KCTD8: variants seen among roughly 807,000 people sequenced by gnomAD.
KCTD8 encodes BTB/POZ domain-containing protein KCTD8.
In KCTD8, 27 loss-of-function variants were observed where a neutral mutation model predicts 31.5. The ratio of observed to expected loss-of-function variants is 0.86; its 90% CI spans 0.63 to 1.18. The LOEUF (loss-of-function observed/expected upper bound fraction) is 1.18, where lower values mean the gene tolerates loss of function less well. KCTD8 is among the 50% of genes most tolerant of loss of function. The probability of loss-of-function intolerance (pLI) is 0.00; values close to 1 mark genes in which losing one functional copy is unlikely to be tolerated. For synonymous variants in KCTD8, 290 were observed against 280.0 expected (o/e 1.04, Z -0.36); for missense variants, 658 against 647.7 (o/e 1.02, Z -0.17).
intron 1 of KCTD8, among the ~76,000 whole-genome samples, chr4:44,202,130 T>TA (rs201575128): frequency 2.9e-4 from 43 of 150,554 alleles, no homozygotes; most frequent in South Asian, 1.7e-3. Flanking sequence ...ATTGAAAAGT[T>TA]AAAAAAAAAC....
chr4:44,388,201 A>C (rs1429786112), intron 1 of KCTD8, among the ~76,000 whole-genome samples: 4 of 151,962 alleles, frequency 2.6e-5, no homozygotes, highest in African/African-American at 9.7e-5. Flanking sequence ...AAAAGTCAAA[A>C]AATAATAGAT....
chr4:44,319,016 C>T (rs183128916), intron 1 of KCTD8, among the ~76,000 whole-genome samples: 27 of 152,188 alleles, frequency 1.8e-4, no homozygotes, highest in African/African-American at 5.5e-4. Flanking sequence ...AGGATGCGGA[C>T]GCAATCTAGA....
At chr4:44,357,200 A>C (rs1371920023) in intron 1 of KCTD8, among the ~76,000 whole-genome samples, 5 of 152,164 alleles carry the variant, frequency 3.3e-5, no homozygotes, top group Non-Finnish European at 7.4e-5. Flanking sequence ...AAAGATGAGA[A>C]AATTAAGAAA....
chr4:44,268,059 C>G (rs952467254), intron 1 of KCTD8, among the ~76,000 whole-genome samples: 2 of 152,166 alleles, frequency 1.3e-5, no homozygotes, highest in African/African-American at 4.8e-5. Context: ...CAGCATCATC[C>G]TGATTCCAAA....
Position 44,447,980 on chromosome 4 carries a change from C to T in KCTD8, c.544G>A (p.Ala182Thr). ...GSSDALLLRG[A>T]AAAVPSGPGA... ...GGGCCCGAGGGCACGGCGGCCGCCG[C>T]CCCGCGCAGCAGCAGCGCGTCGCTG... Residue 182 changes from alanine to threonine, a missense_variant, in exon 1 of 2, where the codon GCG becomes ACG. Ala to Thr is a moderately conservative substitution (Grantham distance 58). Transcript: ENST00000360029. The T allele has an allele frequency of 6.5e-7, 1 of 1,541,440 alleles. No individual in the cohort carries two copies. The highest frequency in any genetic ancestry group is 8.7e-7 in the Non-Finnish European group (1 of 1,143,078).
At chr4:44,310,192 T>A (rs1305800033) in intron 1 of KCTD8, among the ~76,000 whole-genome samples, 1 of 152,134 alleles carries the variant, frequency 6.6e-6, no homozygotes, top group African/African-American at 2.4e-5. Context: ...AATAGATTGA[T>A]ATGTATTCCA....
In KCTD8 at chr4:44,409,226, C is replaced by CA. The variant is rs58417142; in HGVS notation, c.961+38336dup. Among the ~76,000 whole-genome samples, 469 of 146,636 alleles carry CA rather than the reference C, an allele frequency of 3.2e-3. 4 individuals carry two copies. The highest frequency in any genetic ancestry group is 0.011 in the African/African-American group (446 of 39,546). On this transcript the variant is annotated intron_variant, in intron 1 of 1. Transcript: ENST00000360029. ...AATAGAGTGAGATCCTGTCAAAAGT[C>CA]AAAAAAAAAAGAGGAAAGAAAGGGA...
intron 1 of KCTD8, among the ~76,000 whole-genome samples, chr4:44,285,901 T>C (rs879479920): frequency 2.0e-5 from 3 of 152,148 alleles, no homozygotes; most frequent in Non-Finnish European, 4.4e-5. Context: ...ATTAGGAATA[T>C]TTGTTATTCA....
At chr4:44,211,950 C>G (rs1714495260) in intron 1 of KCTD8, among the ~76,000 whole-genome samples, 1 of 151,630 alleles carries the variant, frequency 6.6e-6, no homozygotes, top group Non-Finnish European at 1.5e-5. Flanking sequence ...TATAATTTTA[C>G]AGTTTTCCTC....
At position 44,310,525 on chromosome 4, in the gene KCTD8, CA is replaced by C. The variant is rs1052553965; in HGVS notation, c.962-135276del. ...ACTGGCATTGCTGGTTAATCACTTT[CA>C]GGGGGAAAACAAAAAGAAACTACTT... is the stretch of plus-strand genomic sequence containing the variant. On this transcript the variant is annotated intron_variant, in intron 1 of 1. Transcript: ENST00000360029. Among the ~76,000 whole-genome samples, 19 of 152,152 alleles carry C rather than the reference CA, an allele frequency of 1.2e-4. 1 individual carries two copies. Among genetic ancestry groups the C allele is most frequent in the Middle Eastern group, 3.4e-3 (1 of 294 alleles).
At chr4:44,352,221 C>T (rs1182577839) in intron 1 of KCTD8, among the ~76,000 whole-genome samples, 1 of 151,948 alleles carries the variant, frequency 6.6e-6, no homozygotes, top group Non-Finnish European at 1.5e-5. Flanking sequence ...ATGCATATTC[C>T]TCAGTGGTCT....
chr4:44,318,091 T>C (rs988720195), intron 1 of KCTD8, among the ~76,000 whole-genome samples: 1 of 152,220 alleles, frequency 6.6e-6, no homozygotes, highest in East Asian at 1.9e-4. Flanking sequence ...TCTGGTATCA[T>C]TTGCTCCAAT....
At chr4:44,223,135 A>G (rs1714855989) in intron 1 of KCTD8, among the ~76,000 whole-genome samples, 1 of 152,186 alleles carries the variant, frequency 6.6e-6, no homozygotes, top group South Asian at 2.1e-4. Context: ...TAAAAATATA[A>G]TTTGAAGGTA....
intron 1 of KCTD8, among the ~76,000 whole-genome samples, chr4:44,367,876 C>CAAA (rs11424950): frequency 4.5e-4 from 65 of 145,572 alleles, no homozygotes; most frequent in South Asian, 1.3e-3. Context: ...ATGATAGGAC[C>CAAA]AAAAAAAAAA....
At position 44,191,998 on chromosome 4, in the gene KCTD8, G is replaced by A. The variant is rs139690478; in HGVS notation, c.962-16748C>T. ...GTTTTGTGGCTCAGGTGGGCATCAC[G>A]GATCTACCGATATGTGATGTCACCC... On this transcript the variant is annotated intron_variant, in intron 1 of 1. Coordinates refer to ENST00000360029, the MANE Select transcript of KCTD8 (RefSeq NM_198353.3). 2.8e-3 allele frequency among the ~76,000 whole-genome samples: 427 copies of A among 152,114 alleles called. 3 individuals carry two copies. The highest frequency in any genetic ancestry group is 0.027 in the East Asian group (137 of 5,144).
intron 1 of KCTD8, among the ~76,000 whole-genome samples, chr4:44,347,422 A>T (rs972326805): frequency 1.1e-4 from 16 of 152,190 alleles, no homozygotes; most frequent in African/African-American, 3.4e-4. Context: ...ATAAGAGTAC[A>T]TCCTTGAAGA....
At chr4:44,395,703 T>A (rs958564411) in intron 1 of KCTD8, among the ~76,000 whole-genome samples, 27 of 152,152 alleles carry the variant, frequency 1.8e-4, no homozygotes, top group Non-Finnish European at 3.5e-4. Flanking sequence ...TTGCAAAAAA[T>A]GTTCGTACTT....
intron 1 of KCTD8, among the ~76,000 whole-genome samples, chr4:44,430,589 T>A (rs1379709913): frequency 6.6e-6 from 1 of 151,590 alleles, no homozygotes; most frequent in African/African-American, 2.4e-5. Flanking sequence ...TGGTGCTCCA[T>A]CACCAACCTT....
intron 1 of KCTD8, among the ~76,000 whole-genome samples, chr4:44,301,561 GTTGT>G (rs1266638713): frequency 6.6e-6 from 1 of 152,068 alleles, no homozygotes; most frequent in African/African-American, 2.4e-5. Context: ...TTTTGATGGG[GTTGT>G]TTCTTTTTTT....
Sources: gnomAD v4.1 joint callset for allele counts (sites outside exome capture counted in the v4.1 genomes callset) on GRCh38, gnomAD v4.1.1 for gene constraint, MANE v1.5 for transcripts, NCBI Gene and HGNC (gene_info 2026-07-23, HGNC 2026-07-21) for gene names.